CHN2: variants seen among roughly 807,000 people sequenced by gnomAD.
CHN2 encodes the protein beta-chimaerin.
A neutral mutation model predicts 56.3 loss-of-function variants in CHN2; 35 were observed. The ratio of observed to expected loss-of-function variants is 0.62; its 90% confidence interval spans 0.47 to 0.82. The LOEUF (loss-of-function observed/expected upper bound fraction) is 0.82, where lower values mean the gene tolerates loss of function less well. Ranked by LOEUF, CHN2 falls within the 40% of genes least tolerant of loss-of-function variation. The probability of loss-of-function intolerance (pLI) is 0.00; values close to 1 mark genes in which losing one functional copy is unlikely to be tolerated. For synonymous variants in CHN2, 210 were observed against 212.8 expected (o/e 0.99, Z 0.12); for missense variants, 491 against 580.5 (o/e 0.85, Z 1.58).
chr7:29,478,029 A>G (rs1376129680), intron 6 of CHN2, among the ~76,000 whole-genome samples: 1 of 152,230 alleles, frequency 6.6e-6, no homozygotes, highest in Admixed American at 6.5e-5. Context: ...TATAGTCACT[A>G]TAATACAAGA....
intron 7 of CHN2, among the ~76,000 whole-genome samples, chr7:29,489,386 A>T (rs2128557563): frequency 1.3e-5 from 2 of 152,332 alleles, no homozygotes; most frequent in Middle Eastern, 3.4e-3. Context: ...CTCTAAAAAG[A>T]TATTCTTGCA....
upstream of CHN2, chr7:29,192,531 G>A (rs1206297621): frequency 6.6e-6 from 1 of 152,168 alleles, no homozygotes; most frequent in Non-Finnish European, 1.5e-5. Flanking sequence ...TAGTAGAACA[G>A]GTCACAGTTG....
At chr7:29,312,396 T>C (rs1794667677) in intron 1 of CHN2, among the ~76,000 whole-genome samples, 1 of 152,206 alleles carries the variant, frequency 6.6e-6, no homozygotes, top group Non-Finnish European at 1.5e-5. Context: ...TCAAGCACAA[T>C]GTGATTTTCT....
chr7:29,370,958 G>A (rs1034155547), intron 3 of CHN2, among the ~76,000 whole-genome samples: 1 of 152,174 alleles, frequency 6.6e-6, no homozygotes, highest in Non-Finnish European at 1.5e-5. Context: ...CCACTTTCTA[G>A]CTACCTAACA....
intron 1 of CHN2, among the ~76,000 whole-genome samples, chr7:29,231,901 A>G (rs551898456): frequency 6.6e-6 from 1 of 152,344 alleles, no homozygotes; most frequent in Admixed American, 6.5e-5. Flanking sequence ...GAGTGTCTGC[A>G]GATTGTTGCA....
chr7:29,427,585 C>T (rs1208953719), intron 6 of CHN2, among the ~76,000 whole-genome samples: 2 of 148,904 alleles, frequency 1.3e-5, no homozygotes, highest in Non-Finnish European at 3.0e-5. Flanking sequence ...TACCAACTCC[C>T]ATCCAAACTG....
chr7:29,395,363 A>C (rs1012798217), intron 4 of CHN2, among the ~76,000 whole-genome samples: 8 of 152,168 alleles, frequency 5.3e-5, no homozygotes, highest in Non-Finnish European at 1.0e-4. Context: ...TCTCTACAAG[A>C]AATACAAATA....
chr7:29,493,074 A>G (rs1482509394), intron 7 of CHN2, among the ~76,000 whole-genome samples: 1 of 152,216 alleles, frequency 6.6e-6, no homozygotes, highest in East Asian at 1.9e-4. Flanking sequence ...ATAAGATTAT[A>G]ATGGAGCTTC....
At chr7:29,440,751 TG>T (rs1360162004) in intron 6 of CHN2, among the ~76,000 whole-genome samples, 3 of 148,666 alleles carry the variant, frequency 2.0e-5, no homozygotes, top group African/African-American at 7.4e-5. Flanking sequence ...GAAAATGCAG[TG>T]CAAAGGACTG....
At chr7:29,185,849 C>T (rs1202432656) in intron 2 of CHN2, among the ~76,000 whole-genome samples, 1 of 152,092 alleles carries the variant, frequency 6.6e-6, no homozygotes, top group Non-Finnish European at 1.5e-5. Flanking sequence ...TTAGCAAGAC[C>T]AATATGTAGA....
chr7:29,210,145 T>G (rs541770422), intron 1 of CHN2, among the ~76,000 whole-genome samples: 164 of 152,374 alleles, frequency 1.1e-3, no homozygotes, highest in African/African-American at 3.8e-3. Context: ...TTATGGTGCC[T>G]TGGTGGTCCC....
intron 4 of CHN2, among the ~76,000 whole-genome samples, chr7:29,396,464 A>G (rs1206448013): frequency 1.3e-5 from 2 of 149,156 alleles, no homozygotes; most frequent in Admixed American, 6.6e-5. Flanking sequence ...CTCTCCAAAA[A>G]AAAAAAAAAA....
At chr7:29,480,891 A>T (rs1167201162) in intron 7 of CHN2, among the ~76,000 whole-genome samples, 1 of 126,524 alleles carries the variant, frequency 7.9e-6, no homozygotes, top group Non-Finnish European at 1.8e-5. Flanking sequence ...TACGGCTAGC[A>T]GGGGGGGCAC....
chr7:29,358,465 A>G (rs2128027113), intron 2 of CHN2, among the ~76,000 whole-genome samples: 1 of 151,934 alleles, frequency 6.6e-6, no homozygotes, highest in Non-Finnish European at 1.5e-5. Flanking sequence ...TTATTTATTT[A>G]TTTATTTTCT....
At chr7:29,412,318 G>GTT (rs1163888411) in intron 6 of CHN2, among the ~76,000 whole-genome samples, 27 of 108,272 alleles carry the variant, frequency 2.5e-4, no homozygotes, top group South Asian at 9.9e-4. Flanking sequence ...CTGCTAAAGA[G>GTT]TCTTTTTTTT....
At chr7:29,271,778 A>T (rs1202199772) in intron 1 of CHN2, among the ~76,000 whole-genome samples, 1 of 152,188 alleles carries the variant, frequency 6.6e-6, no homozygotes, top group Non-Finnish European at 1.5e-5. Context: ...TCTGAAAAGC[A>T]GGCCAAGTAA....
At chr7:29,326,219 G>A (rs1463001294) in intron 1 of CHN2, among the ~76,000 whole-genome samples, 2 of 152,026 alleles carry the variant, frequency 1.3e-5, no homozygotes, top group African/African-American at 4.8e-5. Context: ...GTGCAGTGGC[G>A]CAATCTCGAA....
At chr7:29,379,449 A>G (rs1326539245) in intron 3 of CHN2, among the ~76,000 whole-genome samples, 1 of 152,266 alleles carries the variant, frequency 6.6e-6, no homozygotes, top group African/African-American at 2.4e-5. Context: ...TTTGTATGCC[A>G]ATGCCTTTGA....
chr7:29,301,838 TG>T (rs1030007421), intron 1 of CHN2, among the ~76,000 whole-genome samples: 3 of 152,230 alleles, frequency 2.0e-5, no homozygotes, highest in African/African-American at 7.2e-5. Context: ...TTGAGTTTTT[TG>T]GTCTAGGAAA....
Sources: gnomAD v4.1 joint callset for allele counts (sites outside exome capture counted in the v4.1 genomes callset) on GRCh38, gnomAD v4.1.1 for gene constraint, MANE v1.5 for transcripts, NCBI Gene and HGNC (gene_info 2026-07-23, HGNC 2026-07-21) for gene names.